CSMD1: variants seen among roughly 807,000 people sequenced by gnomAD.
CSMD1 encodes CUB and Sushi multiple domains 1.
CSMD1 carries 213 observed loss-of-function variants against 417.5 expected under a neutral mutation model. That is an observed-to-expected ratio of 0.51 (90% CI 0.46 to 0.57). The LOEUF is 0.57. CSMD1 is among the 20% of genes least tolerant of loss of function. The pLI, the probability that CSMD1 is intolerant of heterozygous loss-of-function variation, is 0.00. For missense variants in CSMD1, 6,923 were observed against 4,529.7 expected (o/e 1.53, Z -15.17); for synonymous variants, 2,862 against 1,736.8 (o/e 1.65, Z -16.11).
chr8:3,532,535 C>T (rs1440849885), intron 10 of CSMD1, among the ~76,000 whole-genome samples: 1 of 152,108 alleles, frequency 6.6e-6, no homozygotes, highest in Non-Finnish European at 1.5e-5. Context: ...CTTTAGATCA[C>T]CTTATTTGAG....
chr8:4,136,668 C>T lies in CSMD1; in HGVS notation c.416-104569G>A, dbSNP rs907975172. On this transcript the variant is annotated intron_variant, in intron 3 of 69. Coordinates refer to ENST00000635120, the MANE Select transcript of CSMD1 (RefSeq NM_033225.6). Reference sequence around the variant, plus strand: ...CATTTTCCTTTTTTCCTCTTATTGTCTCACAAGTGTGCTGTGAGTCTTCAG... The same window carrying T: ...CATTTTCCTTTTTTCCTCTTATTGTTTCACAAGTGTGCTGTGAGTCTTCAG... Among the ~76,000 whole-genome samples, 6 of 152,262 alleles carry T rather than the reference C, an allele frequency of 3.9e-5. No individual in the cohort carries two copies. In the South Asian group the frequency reaches 1.0e-3, roughly 26 times the overall value.
At chr8:3,745,377 G>C (rs1366917377) in intron 6 of CSMD1, among the ~76,000 whole-genome samples, 1 of 152,156 alleles carries the variant, frequency 6.6e-6, no homozygotes, top group Non-Finnish European at 1.5e-5. Context: ...TGACCAGCAG[G>C]AGGGAACCCT....
chr8:3,393,925 A>G (rs1049885544), intron 17 of CSMD1, among the ~76,000 whole-genome samples: 12 of 148,134 alleles, frequency 8.1e-5, no homozygotes, highest in African/African-American at 3.0e-4. Flanking sequence ...CCAACATGGC[A>G]CATGTATACA....
At chr8:3,250,865 T>G (rs1046908068) in intron 26 of CSMD1, among the ~76,000 whole-genome samples, 1 of 152,240 alleles carries the variant, frequency 6.6e-6, no homozygotes, top group Non-Finnish European at 1.5e-5. Flanking sequence ...TGTCTTCTTT[T>G]GAGAAGTGTC....
At chr8:4,340,645 T>A (rs915627566) in intron 3 of CSMD1, among the ~76,000 whole-genome samples, 6 of 152,094 alleles carry the variant, frequency 3.9e-5, no homozygotes, top group African/African-American at 1.2e-4. Context: ...CAAGTGGAGC[T>A]TGGTCGTGAA....
chr8:3,697,423 G>A (rs536609421), intron 7 of CSMD1, among the ~76,000 whole-genome samples: 3 of 152,238 alleles, frequency 2.0e-5, no homozygotes, highest in Admixed American at 6.5e-5. Context: ...TGGTCTCTTC[G>A]TTATGTTTAT....
intron 2 of CSMD1, among the ~76,000 whole-genome samples, chr8:4,421,657 A>T (rs1797253836): frequency 6.6e-6 from 1 of 152,088 alleles, no homozygotes. Flanking sequence ...AAAATACAAC[A>T]TATTAAACTT....
chr8:4,762,247 TCTAAA>T (rs1563320654), intron 1 of CSMD1, among the ~76,000 whole-genome samples: 1 of 152,096 alleles, frequency 6.6e-6, no homozygotes, highest in Non-Finnish European at 1.5e-5. Context: ...TATTTTAAAA[TCTAAA>T]CTAATGGGAT....
At chr8:4,437,928 G>C (rs528767597) in intron 2 of CSMD1, among the ~76,000 whole-genome samples, 1 of 152,250 alleles carries the variant, frequency 6.6e-6, no homozygotes, top group African/African-American at 2.4e-5. Context: ...ACATCAACCT[G>C]CTTAAAGTAA....
intron 5 of CSMD1, among the ~76,000 whole-genome samples, chr8:3,880,292 A>G (rs1222729159): frequency 6.6e-6 from 1 of 152,190 alleles, no homozygotes; most frequent in Non-Finnish European, 1.5e-5. Flanking sequence ...ACATGCTGAT[A>G]TTAGATTACA....
chr8:4,157,604 C>T (rs1048287215), intron 3 of CSMD1, among the ~76,000 whole-genome samples: 2 of 152,194 alleles, frequency 1.3e-5, no homozygotes, highest in African/African-American at 4.8e-5. Context: ...GTAACAAATG[C>T]AAATCTTTCA....
chr8:3,674,844 G>A (rs1401671018), intron 7 of CSMD1, among the ~76,000 whole-genome samples: 1 of 152,124 alleles, frequency 6.6e-6, no homozygotes, highest in African/African-American at 2.4e-5. Flanking sequence ...GCACTTTGCA[G>A]TAAAGACTAT....
At chr8:4,088,883 A>G (rs980659355) in intron 3 of CSMD1, among the ~76,000 whole-genome samples, 6 of 151,992 alleles carry the variant, frequency 3.9e-5, no homozygotes, top group Non-Finnish European at 7.4e-5. Context: ...TCCACCCGCA[A>G]TCTTCCCCCT....
chr8:4,503,985 GA>G lies in CSMD1; in HGVS notation c.303-83921del, dbSNP rs1174402375. Among the ~76,000 whole-genome samples, 1,222 of 140,586 alleles carry G rather than the reference GA, an allele frequency of 8.7e-3. 20 individuals carry two copies. Among genetic ancestry groups the G allele is most frequent in the African/African-American group, 0.03 (1,174 of 38,590 alleles). The allele number at this position is 140,586 out of a possible 152,430, so 92.2% of individuals were successfully genotyped here. On this transcript the variant is annotated intron_variant, in intron 2 of 69. Transcript: ENST00000635120. Reference sequence around the variant, plus strand: ...TTGCATATTCAAAAAAAAAAAAAAAGAAAAAAAAAGGAAATCAGGATGTCAA... The same window carrying G: ...TTGCATATTCAAAAAAAAAAAAAAAGAAAAAAAAGGAAATCAGGATGTCAA...
chr8:3,000,930 G>A (rs925922218), intron 52 of CSMD1, among the ~76,000 whole-genome samples: 2 of 152,004 alleles, frequency 1.3e-5, no homozygotes, highest in Non-Finnish European at 2.9e-5. Flanking sequence ...TAGTAACAGA[G>A]CTTCCACATG....
chr8:3,324,709 C>T (rs1806410248), intron 23 of CSMD1, among the ~76,000 whole-genome samples: 1 of 151,370 alleles, frequency 6.6e-6, no homozygotes, highest in South Asian at 2.1e-4. Flanking sequence ...AAAATAGGCC[C>T]ACATCTAACC....
intron 1 of CSMD1, among the ~76,000 whole-genome samples, chr8:4,766,916 C>T (rs1339586615): frequency 6.6e-6 from 1 of 151,922 alleles, no homozygotes; most frequent in African/African-American, 2.4e-5. Flanking sequence ...GAAGATTAGG[C>T]CCTATTAAAA....
At chr8:3,194,408 C>CTATTTTATTT (rs201987474) in intron 33 of CSMD1, among the ~76,000 whole-genome samples, 9,241 of 134,780 alleles carry the variant, frequency 0.069, 393 homozygotes, top group Admixed American at 0.081. Context: ...ATCTGATTAA[C>CTATTTTATTT]TATTTTATTT....
chr8:3,490,461 T>G (rs940793395), intron 11 of CSMD1, among the ~76,000 whole-genome samples: 5 of 152,230 alleles, frequency 3.3e-5, no homozygotes, highest in Non-Finnish European at 7.3e-5. Flanking sequence ...TTGCAGTTAT[T>G]TAACAATTTT....
Sources: allele counts gnomAD v4.1 joint callset (sites outside exome capture counted in the v4.1 genomes callset), GRCh38; gene constraint gnomAD v4.1.1; transcripts MANE v1.5; gene names NCBI Gene and HGNC (gene_info 2026-07-23, HGNC 2026-07-21).